Variants in PKNOX2 observed in about 807,000 individuals in gnomAD.
PKNOX2 encodes the protein PBX/knotted 1 homeobox 2.
Under a neutral mutation model 53.1 loss-of-function variants are expected in PKNOX2, and 14 were observed. The observed-to-expected ratio is 0.26, with a 90% CI of 0.17 to 0.41. The LOEUF (loss-of-function observed/expected upper bound fraction) is 0.41. Ranked by LOEUF, PKNOX2 falls within the 10% of genes least tolerant of loss-of-function variation. The probability of loss-of-function intolerance (pLI) is 1.00; values close to 1 mark genes in which losing one functional copy is unlikely to be tolerated. For missense variants in PKNOX2, 496 were observed against 602.8 expected (o/e 0.82, Z 1.85); for synonymous variants, 257 against 242.8 (o/e 1.06, Z -0.54).
chr11:125,397,372 C>T (rs1470260541), intron 6 of PKNOX2, among the ~76,000 whole-genome samples: 2 of 152,220 alleles, frequency 1.3e-5, no homozygotes, highest in African/African-American at 4.8e-5. Context: ...TGATCTCCAT[C>T]TTCCTCAGGC....
chr11:125,243,958 G>A, intron 2 of PKNOX2, among the ~76,000 whole-genome samples: 1 of 152,170 alleles, frequency 6.6e-6, no homozygotes, highest in South Asian at 2.1e-4. Flanking sequence ...TCTCTTACCA[G>A]TGTGCACTGC....
intron 2 of PKNOX2, among the ~76,000 whole-genome samples, chr11:125,262,804 C>A (rs1371211607): frequency 6.6e-6 from 1 of 152,146 alleles, no homozygotes; most frequent in Non-Finnish European, 1.5e-5. Context: ...CTCTGCTTCT[C>A]CTTACTTCTC....
In PKNOX2 at chr11:125,361,528, C is replaced by T. The variant is rs1382378943; in HGVS notation, c.88-6318C>T. Among the ~76,000 whole-genome samples, 3 of 152,160 alleles carry T rather than the reference C, an allele frequency of 2.0e-5. No individual in the cohort carries two copies. In the South Asian group the frequency reaches 6.2e-4, roughly 32 times the overall value. ...ACGCTTCTGCTCTCCCCAATGCCAA[C>T]CATCTTCTTTTTTTTATTTATTTTT... On this transcript the variant is annotated intron_variant, in intron 4 of 12. Transcript: ENST00000298282.
intron 1 of PKNOX2, among the ~76,000 whole-genome samples, chr11:125,219,208 CA>C (rs1479020750): frequency 6.6e-6 from 1 of 151,968 alleles, no homozygotes; most frequent in Non-Finnish European, 1.5e-5. Flanking sequence ...CCAAGGCAAG[CA>C]GATCATCTGA....
chr11:125,179,869 G>A (rs968208855), intron 1 of PKNOX2, among the ~76,000 whole-genome samples: 1 of 152,150 alleles, frequency 6.6e-6, no homozygotes, highest in African/African-American at 2.4e-5. Context: ...AAATGCATTA[G>A]GTATTTTGCC....
intron 1 of PKNOX2, among the ~76,000 whole-genome samples, chr11:125,212,561 T>C (rs1209652865): frequency 2.7e-5 from 4 of 150,736 alleles, no homozygotes; most frequent in Admixed American, 6.6e-5. Context: ...TTCAAGCGAT[T>C]CTAGGAGGGG....
At position 125,352,178 on chromosome 11, in the gene PKNOX2, C is replaced by A. The variant is rs1449986579; in HGVS notation, c.87+786C>A. Among the ~76,000 whole-genome samples, 2 of 152,196 alleles carry A rather than the reference C, an allele frequency of 1.3e-5. No individual in the cohort carries two copies. The highest frequency in any genetic ancestry group is 4.8e-5 in the African/African-American group (2 of 41,454). On this transcript the variant is annotated intron_variant, in intron 4 of 12. Transcript: ENST00000298282. This position sits in a 1 kb window ranked among gnomAD's most constrained non-coding sequence, Gnocchi z 4.1. ...CTTTTTGCTTCCCCCAGGTGCTCCT[C>A]TTGTCCACCCTTGGTTCTTTGGAAA...
intron 2 of PKNOX2, among the ~76,000 whole-genome samples, chr11:125,295,615 G>T (rs570786597): frequency 1.3e-5 from 2 of 152,204 alleles, no homozygotes; most frequent in African/African-American, 2.4e-5. Context: ...GGAAGCTTGG[G>T]GGTGTCACCA....
At chr11:125,396,142 T>C (rs1954385208) in intron 6 of PKNOX2, among the ~76,000 whole-genome samples, 1 of 151,958 alleles carries the variant, frequency 6.6e-6, no homozygotes, top group Admixed American at 6.6e-5. Flanking sequence ...TTAGTAGATA[T>C]GGGGTTTCAC....
At chr11:125,425,504 T>C (rs575445195) in intron 10 of PKNOX2, among the ~76,000 whole-genome samples, 95 of 140,304 alleles carry the variant, frequency 6.8e-4, no homozygotes, top group Admixed American at 2.3e-3. Flanking sequence ...GGGAGTTCCC[T>C]CCAATAACGA....
chr11:125,179,744 A>G (rs996908569), intron 1 of PKNOX2, among the ~76,000 whole-genome samples: 1 of 152,222 alleles, frequency 6.6e-6, no homozygotes, highest in Non-Finnish European at 1.5e-5. Context: ...AGTCCTGGAC[A>G]GAGAGACAGA....
intron 2 of PKNOX2, among the ~76,000 whole-genome samples, chr11:125,283,250 T>G (rs928092530): frequency 5.9e-5 from 9 of 152,294 alleles, no homozygotes; most frequent in African/African-American, 1.9e-4. Context: ...ACAGACAAGA[T>G]TCTCACAGAT....
At chr11:125,411,083 T>A in intron 9 of PKNOX2, 2 of 524,894 alleles carry the variant, frequency 3.8e-6, no homozygotes, top group Non-Finnish European at 3.4e-6. Flanking sequence ...CCTCCTGGGG[T>A]TACATCAAAG....
intron 10 of PKNOX2, among the ~76,000 whole-genome samples, chr11:125,416,271 C>T (rs1293594480): frequency 7.0e-6 from 1 of 143,506 alleles, no homozygotes. Context: ...CCACTGCACT[C>T]CAGCCTGGGC....
intron 4 of PKNOX2, among the ~76,000 whole-genome samples, chr11:125,354,087 A>G (rs2136214887): frequency 6.6e-6 from 1 of 152,318 alleles, no homozygotes; most frequent in East Asian, 1.9e-4. Flanking sequence ...TCTTCCGTGC[A>G]TGCCTGGCTG....
intron 7 of PKNOX2, among the ~76,000 whole-genome samples, chr11:125,403,188 T>C (rs748081268): frequency 4.6e-5 from 7 of 152,132 alleles, no homozygotes; most frequent in South Asian, 2.1e-4. Context: ...TACTGAGTTC[T>C]GGGGATATAA....
rs1163142928 is a variant in PKNOX2, at chr11:125,338,553, C to A, written c.-23+6628C>A. 2.0e-5 allele frequency among the ~76,000 whole-genome samples: 3 copies of A among 152,306 alleles called. No homozygotes were observed. In the East Asian group the frequency reaches 5.8e-4, roughly 29 times the overall value. On this transcript the variant is annotated intron_variant, in intron 3 of 12. Transcript: ENST00000298282. ...GCTCTGGGAGCAGACATCTCACATGCAGCACCCTGCCTGCTCCGATCAACC... is the reference window on the plus strand; with the variant it reads ...GCTCTGGGAGCAGACATCTCACATGAAGCACCCTGCCTGCTCCGATCAACC...
In PKNOX2 at chr11:125,167,810, T is replaced by G. The variant is rs571326967; in HGVS notation, c.-201+3034T>G. On this transcript the variant is annotated intron_variant, in intron 1 of 12. Coordinates refer to ENST00000298282, the MANE Select transcript of PKNOX2 (RefSeq NM_001382323.2). ...TTTACTCTTCCAAAATGGGCCTGTT[T>G]AAAAAGAGGGAGCTTGCTGGATCCC... Among the ~76,000 whole-genome samples the G allele has an allele frequency of 1.1e-4, 17 of 152,244 alleles. No homozygotes were observed. In the East Asian group the frequency reaches 1.9e-3, roughly 17 times the overall value.
Position 125,197,525 on chromosome 11 carries a change from G to A in PKNOX2, c.-201+32749G>A, listed in dbSNP as rs1293077619. On this transcript the variant is annotated intron_variant, in intron 1 of 12. Coordinates refer to ENST00000298282, the MANE Select transcript of PKNOX2 (RefSeq NM_001382323.2). ...AGCTGCCTAAGAGAGGCTCTGCCCC[G>A]GTCTTCAGTAGGAGTCCTCAGCTGC... 2.6e-5 allele frequency among the ~76,000 whole-genome samples: 4 copies of A among 152,254 alleles called. No homozygotes were observed. In the East Asian group the frequency reaches 5.8e-4, roughly 22 times the overall value.
Sources: allele counts gnomAD v4.1 joint callset (sites outside exome capture counted in the v4.1 genomes callset), GRCh38; gene constraint gnomAD v4.1.1; non-coding constraint Gnocchi (gnomAD v3.1); transcripts MANE v1.5; gene names NCBI Gene and HGNC (gene_info 2026-07-23, HGNC 2026-07-21).